The following PXDN variants were observed in gnomAD, a reference collection of about 807,000 sequenced individuals.
PXDN encodes peroxidasin, also known as peroxidasin homolog.
A neutral mutation model predicts 140.3 loss-of-function variants in PXDN; 77 were observed. That is an observed-to-expected ratio of 0.55 (90% CI 0.46 to 0.66). PXDN has a LOEUF of 0.66. Among genes scored for constraint, PXDN ranks in the 30% least tolerant of loss-of-function variants. The pLI, the probability that PXDN is intolerant of heterozygous loss-of-function variation, is 0.00. For missense variants in PXDN, 1,838 were observed against 2,039.5 expected, an observed-to-expected ratio of 0.90 and a Z score of 1.90; for synonymous variants, 911 against 857.4, an observed-to-expected ratio of 1.06 and a Z score of -1.09.
At chr2:1,723,949 T>A (rs1240594375) in intron 1 of PXDN, among the ~76,000 whole-genome samples, 1 of 152,232 alleles carries the variant, frequency 6.6e-6, no homozygotes, top group Non-Finnish European at 1.5e-5. Flanking sequence ...CTCTGCTGGT[T>A]ATAGATTTTT....
chr2:1,663,769 A>G lies in PXDN; in HGVS notation c.1409-6T>C. ...GTCCACGGAGAGCTGGCTCCCTGCA[A>G]GGGCATGGGCCCGTTACACTGGACA... On this transcript the variant is annotated splice_polypyrimidine_tract_variant and splice_region_variant and intron_variant, in intron 11 of 22. Transcript: ENST00000252804. The G allele has an allele frequency of 6.2e-7, 1 of 1,611,516 alleles. No individual in the cohort carries two copies. Among genetic ancestry groups the G allele is most frequent in the Admixed American group, 1.7e-5 (1 of 60,032 alleles).
rs368946051 is a variant in PXDN at position 1,701,479 on chromosome 2, G to A, written c.201-8345C>T. Reference sequence around the variant, plus strand: ...GTCGCAGGAGAAATGGGTGCCCAGAGTGGAGGGCAAGGGTGTATTTTGGAG... The same window carrying A: ...GTCGCAGGAGAAATGGGTGCCCAGAATGGAGGGCAAGGGTGTATTTTGGAG... On this transcript the variant is annotated intron_variant, in intron 1 of 22. Transcript: ENST00000252804. Among the ~76,000 whole-genome samples, 8 of 152,228 alleles carry A rather than the reference G, an allele frequency of 5.3e-5. No homozygotes were observed. The East Asian group carries it at 1.3e-3, about 26-fold the overall frequency.
At chr2:1,662,849 C>T (rs914542068) in intron 12 of PXDN, among the ~76,000 whole-genome samples, 13 of 152,156 alleles carry the variant, frequency 8.5e-5, no homozygotes, top group African/African-American at 2.9e-4. Context: ...CCCAAAGTGA[C>T]GCAAGGAAAT....
intron 1 of PXDN, among the ~76,000 whole-genome samples, chr2:1,735,335 CT>C (rs1395714396): frequency 6.6e-6 from 1 of 152,184 alleles, no homozygotes; most frequent in Non-Finnish European, 1.5e-5. Context: ...TTTCAGTTGA[CT>C]TTGCCCAGTT....
rs113609865 is a variant in PXDN, at chr2:1,665,947, T to C, written c.1291+267A>G. 5.6e-3 allele frequency among the ~76,000 whole-genome samples: 859 copies of C among 152,300 alleles called. 5 individuals are homozygous for C. The highest frequency in any genetic ancestry group is 0.019 in the African/African-American group (790 of 41,564). On this transcript the variant is annotated intron_variant, in intron 10 of 22. Transcript: ENST00000252804. ...CACACTCTCTCTCTCACTTATCTGA[T>C]AGACACTCCTGCTGGCCAGGTGCTG...
chr2:1,684,034 G>C, intron 5 of PXDN, 46 bp downstream of exon 5: 2 of 1,509,150 alleles, frequency 1.3e-6, no homozygotes, highest in Non-Finnish European at 1.8e-6. Context: ...AGTGACTGAG[G>C]CTTGGGCTCT....
chr2:1,713,276 G>A (rs959868698), intron 1 of PXDN, among the ~76,000 whole-genome samples: 34 of 152,144 alleles, frequency 2.2e-4, no homozygotes, highest in African/African-American at 7.2e-4. Context: ...CTGCACCAAC[G>A]ATCAATTACC....
At chr2:1,740,223 C>T (rs1685509203) in intron 1 of PXDN, among the ~76,000 whole-genome samples, 1 of 152,142 alleles carries the variant, frequency 6.6e-6, no homozygotes, top group African/African-American at 2.4e-5. Flanking sequence ...AGGCGGGCCC[C>T]TCTGCAGCAC....
intron 21 of PXDN, among the ~76,000 whole-genome samples, chr2:1,637,646 G>GGATGT (rs1682599429): frequency 6.6e-6 from 1 of 151,504 alleles, no homozygotes. Flanking sequence ...GCTGCCTGGG[G>GGATGT]ACTTGCACCT....
intron 1 of PXDN, among the ~76,000 whole-genome samples, chr2:1,724,322 T>TG (rs1685125744): frequency 6.6e-6 from 1 of 151,674 alleles, no homozygotes; most frequent in Non-Finnish European, 1.5e-5. Flanking sequence ...GTTTTTTTTT[T>TG]TTTTTGGTCA....
Position 1,666,272 on chromosome 2 carries a change from C to T in PXDN, c.1233G>A (p.Ala411=), listed in dbSNP as rs772677372. The T allele has an allele frequency of 2.5e-5, 40 of 1,613,918 alleles. No homozygotes were observed. Among genetic ancestry groups the T allele is most frequent in the East Asian group, 8.9e-5 (4 of 44,884 alleles). Residue 411 remains alanine (A), a synonymous_variant, in exon 10 of 23, where the codon GCG becomes GCA. Coordinates refer to ENST00000252804, the MANE Select transcript of PXDN (RefSeq NM_012293.3). ...NVVQGDSGEY[A]CSATNNIDSV... ...TGTCAATGTTGTTGGTCGCAGAGCA[C>T]GCATACTCTCCGCTGTCCCCCTGTA...
At chr2:1,691,328 TCA>T (rs561264454) in intron 3 of PXDN, among the ~76,000 whole-genome samples, 64 of 152,332 alleles carry the variant, frequency 4.2e-4, no homozygotes, top group African/African-American at 9.6e-4. Flanking sequence ...CCCAGGAAGC[TCA>T]TTTTCTAAAC....
chr2:1,642,512 G>A (rs557715643), intron 19 of PXDN, among the ~76,000 whole-genome samples: 14 of 152,262 alleles, frequency 9.2e-5, no homozygotes, highest in Middle Eastern at 3.4e-3. Flanking sequence ...CCCACCTCCC[G>A]GTCACGCTCA....
chr2:1,717,893 C>G (rs1460234540), intron 1 of PXDN, among the ~76,000 whole-genome samples: 1 of 151,820 alleles, frequency 6.6e-6, no homozygotes. Flanking sequence ...CCCAAACCTG[C>G]CCTACCCACT....
rs1032808852 is a variant in PXDN at position 1,633,263 on chromosome 2, G to C, written c.*941C>G. The C allele has an allele frequency of 6.6e-6, 1 of 151,070 alleles. No homozygotes were observed. The highest frequency in any genetic ancestry group is 1.5e-5 in the Non-Finnish European group (1 of 67,918). The allele number at this position is 151,070 out of a possible 1,614,324, so 9.4% of individuals were successfully genotyped here. ...CCCTTGGGAAGAGCCATCCGGAAGC[G>C]GCTCTTGTTCAGGACGTGGACGCAA... On this transcript the variant is annotated 3_prime_UTR_variant, in exon 23 of 23. Transcript: ENST00000252804.
At chr2:1,740,392 C>T (rs770856616) in intron 1 of PXDN, among the ~76,000 whole-genome samples, 5 of 152,156 alleles carry the variant, frequency 3.3e-5, no homozygotes, top group Admixed American at 6.5e-5. Context: ...ACTCAGGCGA[C>T]GCAGTCTCCT....
chr2:1,649,329 C>T lies in PXDN; in HGVS notation c.2451G>A (p.Met817Ile), dbSNP rs1446067352. The T allele has an allele frequency of 6.2e-7, 1 of 1,613,860 alleles. No homozygotes were observed. Among genetic ancestry groups the T allele is most frequent in the South Asian group, 1.1e-5 (1 of 91,078 alleles). The change falls in exon 17 of 23, where the codon ATG (methionine) becomes ATA (isoleucine). Residue 817 changes from methionine (M) to isoleucine (I), a missense_variant. Physicochemically the swap from Met to Ile is conservative, Grantham distance 10. Transcript: ENST00000252804. This position sits in a 1 kb window ranked among gnomAD's most constrained non-coding sequence, Gnocchi z 7.1. The part of the protein sequence containing the change: ...TVTPDEQFTH[M>I]LMQWGQFLDH... ...CCAGGAACTGGCCCCACTGCATCAG[C>T]ATGTGGGTGAACTGCTCGTCGGGTG...
chr2:1,633,132 C>T lies in PXDN; in HGVS notation c.*1072G>A, dbSNP rs6705631. ...ATGGACACAATTTCATAAAACATCA[C>T]GCATTTTAAAAATACAAATGAGGTA... On this transcript the variant is annotated 3_prime_UTR_variant, in exon 23 of 23. Coordinates refer to ENST00000252804, the MANE Select transcript of PXDN (RefSeq NM_012293.3). 13,556 of 151,394 alleles carry T rather than the reference C, an allele frequency of 0.09. 682 individuals are homozygous for T. Among genetic ancestry groups the T allele is most frequent in the African/African-American group, 0.13 (5,258 of 41,124 alleles). The allele number at this position is 151,394 out of a possible 1,614,324, so 9.4% of individuals were successfully genotyped here.
At chr2:1,681,670 G>T (rs112440386) in intron 6 of PXDN, among the ~76,000 whole-genome samples, 1 of 152,214 alleles carries the variant, frequency 6.6e-6, no homozygotes, top group South Asian at 2.1e-4. Context: ...CCTTTCCCCC[G>T]TGAGCAGGTG....
Sources: gnomAD v4.1 joint callset for allele counts (sites outside exome capture counted in the v4.1 genomes callset) on GRCh38, gnomAD v4.1.1 for gene constraint, Gnocchi (gnomAD v3.1) non-coding constraint, MANE v1.5 for transcripts, NCBI Gene and HGNC (gene_info 2026-07-23, HGNC 2026-07-21) for gene names.